Variants in SSBP3 observed in about 807,000 individuals in gnomAD.
SSBP3 encodes the protein single stranded DNA binding protein 3.
A neutral mutation model predicts 69.6 loss-of-function variants in SSBP3; 5 were observed. The observed-to-expected ratio is 0.07, with a 90% CI of 0.04 to 0.15. The LOEUF (loss-of-function observed/expected upper bound fraction) is 0.15, where lower values mean the gene tolerates loss of function less well. Ranked by LOEUF, SSBP3 falls within the 10% of genes least tolerant of loss-of-function variation. The probability of loss-of-function intolerance (pLI) is 1.00; values close to 1 mark genes in which losing one functional copy is unlikely to be tolerated. For missense variants in SSBP3, 312 were observed against 534.0 expected, an observed-to-expected ratio of 0.58 and a Z score of 4.10; for synonymous variants, 196 against 193.4, an observed-to-expected ratio of 1.01 and a Z score of -0.11.
At chr1:54,269,947 T>C (rs902136257) in intron 5 of SSBP3, among the ~76,000 whole-genome samples, 1 of 152,194 alleles carries the variant, frequency 6.6e-6, no homozygotes, top group South Asian at 2.1e-4. Context: ...TGGACGATGA[T>C]TGTGTGGGGG....
At chr1:54,284,989 G>C (rs377192073) in intron 4 of SSBP3, among the ~76,000 whole-genome samples, 1 of 152,076 alleles carries the variant, frequency 6.6e-6, no homozygotes, top group South Asian at 2.1e-4. Flanking sequence ...GGTGGAAGAT[G>C]GAGTTTTGCT....
chr1:54,350,204 G>A (rs1475621907), intron 4 of SSBP3, among the ~76,000 whole-genome samples: 1 of 152,204 alleles, frequency 6.6e-6, no homozygotes, highest in Non-Finnish European at 1.5e-5. Flanking sequence ...GGTGACCTGA[G>A]AACAGGTTGC....
At chr1:54,406,210 A>T (rs1649757580) in exon 1 of SSBP3, 1 of 427,510 alleles carries the variant, frequency 2.3e-6, no homozygotes. Flanking sequence ...TCAAAGCGTC[A>T]GCCCCGGCCG....
At chr1:54,327,186 G>T (rs185230074) in intron 4 of SSBP3, among the ~76,000 whole-genome samples, 2 of 149,362 alleles carry the variant, frequency 1.3e-5, no homozygotes, top group Non-Finnish European at 3.0e-5. Context: ...CCCTTCTCCC[G>T]CTTCCTAATG....
At chr1:54,228,142 C>T in intron 17 of SSBP3, 113 bp downstream of exon 17, 1 of 987,184 alleles carries the variant, frequency 1.0e-6, no homozygotes, top group Non-Finnish European at 1.6e-6. Flanking sequence ...AAAACCATAA[C>T]ACGGCCACCA....
intron 14 of SSBP3, among the ~76,000 whole-genome samples, chr1:54,234,964 A>G (rs901976549): frequency 6.6e-6 from 1 of 152,180 alleles, no homozygotes; most frequent in South Asian, 2.1e-4. Context: ...GTAAAACGGA[A>G]TATAGTCAAA....
intron 4 of SSBP3, among the ~76,000 whole-genome samples, chr1:54,382,221 T>C (rs1194119778): frequency 6.6e-6 from 1 of 152,144 alleles, no homozygotes. Context: ...AAAATACAGA[T>C]GTGCAGTAAG....
At chr1:54,228,026 G>C (rs527941750) in intron 17 of SSBP3, among the ~76,000 whole-genome samples, 228 of 152,320 alleles carry the variant, frequency 1.5e-3, no homozygotes, top group African/African-American at 5.3e-3. Flanking sequence ...ATCAGTGCCA[G>C]AGGCATCCAG....
chr1:54,298,316 G>A (rs1005004572), intron 4 of SSBP3, among the ~76,000 whole-genome samples: 16 of 152,022 alleles, frequency 1.1e-4, no homozygotes, highest in African/African-American at 3.1e-4. Context: ...CGGAAGGCAC[G>A]AACCCAGACT....
At chr1:54,349,531 C>G (rs1022178892) in intron 4 of SSBP3, among the ~76,000 whole-genome samples, 5 of 152,182 alleles carry the variant, frequency 3.3e-5, no homozygotes, top group African/African-American at 7.2e-5. Context: ...CTGGTTCCCC[C>G]CAAATGAAGC....
At chr1:54,322,252 C>A (rs1466220784) in intron 4 of SSBP3, among the ~76,000 whole-genome samples, 2 of 152,146 alleles carry the variant, frequency 1.3e-5, no homozygotes, top group Non-Finnish European at 2.9e-5. Context: ...CTGACAAGGA[C>A]TAAAGACACC....
intron 5 of SSBP3, among the ~76,000 whole-genome samples, chr1:54,278,224 C>T (rs1645326553): frequency 6.6e-6 from 1 of 152,170 alleles, no homozygotes; most frequent in Non-Finnish European, 1.5e-5. Context: ...TTTGGGGCTG[C>T]CTGGGCTCCT....
At chr1:54,303,055 T>A (rs934430723) in intron 4 of SSBP3, among the ~76,000 whole-genome samples, 1 of 152,226 alleles carries the variant, frequency 6.6e-6, no homozygotes. Context: ...CTAGCGGTAT[T>A]ATATCCTGAT....
intron 4 of SSBP3, among the ~76,000 whole-genome samples, chr1:54,390,748 T>C (rs1231815425): frequency 6.6e-6 from 1 of 152,148 alleles, no homozygotes; most frequent in Non-Finnish European, 1.5e-5. Flanking sequence ...AGCGCGGAGA[T>C]CGTGGAGAGC....
chr1:54,238,293 G>A (rs1472354344), intron 14 of SSBP3: 2 of 471,080 alleles, frequency 4.2e-6, no homozygotes, highest in East Asian at 1.4e-4. Flanking sequence ...CCCTCAACCA[G>A]GCCAAAGCCT....
At chr1:54,290,746 G>A (rs888311048) in intron 4 of SSBP3, among the ~76,000 whole-genome samples, 3 of 152,300 alleles carry the variant, frequency 2.0e-5, no homozygotes, top group African/African-American at 7.2e-5. Context: ...TCCCATCTGG[G>A]CCCCATGGCA....
chr1:54,251,214 G>A (rs866183012), intron 9 of SSBP3, among the ~76,000 whole-genome samples: 3 of 152,162 alleles, frequency 2.0e-5, no homozygotes, highest in Admixed American at 6.5e-5. Flanking sequence ...CATCTGCGCC[G>A]CCTCTGGGAC....
intron 4 of SSBP3, among the ~76,000 whole-genome samples, chr1:54,373,945 G>A (rs72912184): frequency 1.1e-4 from 17 of 152,186 alleles, no homozygotes; most frequent in African/African-American, 3.4e-4. Flanking sequence ...CCAGAGCTGC[G>A]GTCAGTGTGA....
At chr1:54,347,911 A>G in intron 4 of SSBP3, among the ~76,000 whole-genome samples, 1 of 152,164 alleles carries the variant, frequency 6.6e-6, no homozygotes, top group East Asian at 1.9e-4. Context: ...GTTTAAAGCC[A>G]CCTAGTTTGT....
Sources: allele counts gnomAD v4.1 joint callset (sites outside exome capture counted in the v4.1 genomes callset), GRCh38; gene constraint gnomAD v4.1.1; transcripts MANE v1.5; gene names NCBI Gene and HGNC (gene_info 2026-07-23, HGNC 2026-07-21).